The following PBX1 variants were observed in gnomAD, a reference collection of about 807,000 sequenced individuals.
PBX1 encodes the protein pre-B-cell leukemia transcription factor 1.
A neutral mutation model predicts 53.4 loss-of-function variants in PBX1; 6 were observed. That is an observed-to-expected ratio of 0.11 (90% CI 0.06 to 0.22). PBX1 has a LOEUF of 0.22. Among genes scored for constraint, PBX1 ranks in the 10% least tolerant of loss-of-function variants. The pLI, the probability that PBX1 is intolerant of heterozygous loss-of-function variation, is 1.00. For synonymous variants in PBX1, 204 were observed against 212.3 expected (o/e 0.96, Z 0.34); for missense variants, 251 against 551.4 (o/e 0.46, Z 5.46).
chr1:164,855,040 C>G (rs1368722480), downstream of PBX1, among the ~76,000 whole-genome samples: 1 of 151,150 alleles, frequency 6.6e-6, no homozygotes, highest in African/African-American at 2.4e-5. Context: ...CTCGACCTCC[C>G]TGAGCTCAAA....
In PBX1 at chr1:164,563,412, C is replaced by T. The variant is rs532970423; in HGVS notation, c.265+101C>T. 57 of 702,860 alleles carry T rather than the reference C, an allele frequency of 8.1e-5. No homozygotes were observed. In the South Asian group the frequency reaches 1.0e-3, roughly 12 times the overall value. The allele number at this position is 702,860 out of a possible 1,614,324, so 43.5% of individuals were successfully genotyped here. A position where few individuals can be genotyped will look rare whatever the true frequency, so the allele number is the denominator to read the frequency against. Reference sequence around the variant, plus strand: ...ATTTAAATATTAAAATTTCAGAATACAAGTACTATGAAGGTTGACCTCATA... The same window carrying T: ...ATTTAAATATTAAAATTTCAGAATATAAGTACTATGAAGGTTGACCTCATA... On this transcript the variant is annotated intron_variant, in intron 2 of 8. Coordinates refer to ENST00000420696, the MANE Select transcript of PBX1 (RefSeq NM_002585.4).
chr1:164,736,148 AG>A (rs1351012586), intron 2 of PBX1, among the ~76,000 whole-genome samples: 1 of 152,198 alleles, frequency 6.6e-6, no homozygotes, highest in East Asian at 1.9e-4. Flanking sequence ...TTCCCACTGC[AG>A]CCCCTCTCCC....
At chr1:164,876,007 C>CATATATATATATATAT (rs1318941950) in intron 2 of PBX1, among the ~76,000 whole-genome samples, 1 of 113,686 alleles carries the variant, frequency 8.8e-6, no homozygotes, top group Non-Finnish European at 1.9e-5. Flanking sequence ...TATATATATA[C>CATATATATATATATAT]ACACATACAC....
At chr1:164,597,169 T>G (rs1655824961) in intron 2 of PBX1, among the ~76,000 whole-genome samples, 2 of 152,258 alleles carry the variant, frequency 1.3e-5, no homozygotes, top group Admixed American at 6.5e-5. Flanking sequence ...GGAATCGTTA[T>G]TCATTAAAAA....
chr1:164,732,768 G>A (rs1482998683), intron 2 of PBX1, among the ~76,000 whole-genome samples: 1 of 151,944 alleles, frequency 6.6e-6, no homozygotes, highest in African/African-American at 2.4e-5. Flanking sequence ...CTCTGTAGCC[G>A]ACAGACATTC....
chr1:164,649,397 G>A (rs1324017156), intron 2 of PBX1, among the ~76,000 whole-genome samples: 1 of 152,162 alleles, frequency 6.6e-6, no homozygotes, highest in Non-Finnish European at 1.5e-5. Context: ...ATTTTCGAAT[G>A]TAGAGAATAC....
chr1:164,735,456 A>T (rs919421387), intron 2 of PBX1, among the ~76,000 whole-genome samples: 4 of 152,240 alleles, frequency 2.6e-5, no homozygotes, highest in Admixed American at 1.3e-4. Flanking sequence ...AACAAAGCTG[A>T]AAAGAGAGCA....
intron 2 of PBX1, among the ~76,000 whole-genome samples, chr1:164,655,159 G>A (rs1471174895): frequency 6.7e-6 from 1 of 148,708 alleles, no homozygotes; most frequent in Non-Finnish European, 1.5e-5. Flanking sequence ...TGTTGCCCAG[G>A]CTGGAGTGCA....
intron 2 of PBX1, among the ~76,000 whole-genome samples, chr1:164,661,567 C>T (rs538888083): frequency 6.6e-6 from 1 of 151,836 alleles, no homozygotes; most frequent in Non-Finnish European, 1.5e-5. Context: ...GCTGGGATTA[C>T]AGGCCTCCAC....
chr1:164,876,353 C>T (rs1672511025), intron 2 of PBX1, among the ~76,000 whole-genome samples: 1 of 151,224 alleles, frequency 6.6e-6, no homozygotes, highest in African/African-American at 2.4e-5. Context: ...GGAGGCCGGG[C>T]CTCCTGGCTC....
At chr1:164,627,343 T>G (rs767958780) in intron 2 of PBX1, among the ~76,000 whole-genome samples, 7 of 152,146 alleles carry the variant, frequency 4.6e-5, no homozygotes, top group Non-Finnish European at 8.8e-5. Flanking sequence ...GAACTTCCAT[T>G]ATTATAAATG....
At chr1:164,703,542 C>A (rs1557953692) in intron 2 of PBX1, among the ~76,000 whole-genome samples, 1 of 152,130 alleles carries the variant, frequency 6.6e-6, no homozygotes, top group Non-Finnish European at 1.5e-5. Context: ...AAAATGGCTC[C>A]CTGCTCATTA....
chr1:164,570,075 G>A (rs562754395), intron 2 of PBX1, among the ~76,000 whole-genome samples: 55 of 152,248 alleles, frequency 3.6e-4, no homozygotes, highest in Non-Finnish European at 6.3e-4. Flanking sequence ...GCAACTGGAG[G>A]CATTGTGTAA....
Position 164,846,916 on chromosome 1 carries a change from G to A in PBX1, c.*240G>A. The A allele has an allele frequency of 1.5e-6, 2 of 1,365,728 alleles. No homozygotes were observed. The highest frequency in any genetic ancestry group is 1.9e-6 in the Non-Finnish European group (2 of 1,057,718). 84.6% of individuals were successfully genotyped at this position (1,365,728 alleles called of 1,614,324 possible). On this transcript the variant is annotated 3_prime_UTR_variant, in exon 9 of 9. Coordinates refer to ENST00000420696, the MANE Select transcript of PBX1 (RefSeq NM_002585.4). ...CACCCTTCCCTGCCTCCAGCTGTCA[G>A]CCTGGTTTTCGTCATCTTCCCTGCC...
intron 2 of PBX1, among the ~76,000 whole-genome samples, chr1:164,713,324 T>A (rs1663907004): frequency 6.6e-6 from 1 of 152,140 alleles, no homozygotes; most frequent in African/African-American, 2.4e-5. Context: ...ACAGCTATGA[T>A]AAAAGGTATG....
chr1:164,595,637 T>C (rs1459736484), intron 2 of PBX1, among the ~76,000 whole-genome samples: 2 of 152,178 alleles, frequency 1.3e-5, no homozygotes, highest in Non-Finnish European at 2.9e-5. Context: ...GATCGTTGTA[T>C]ATTCACTGGC....
intron 2 of PBX1, among the ~76,000 whole-genome samples, chr1:164,709,939 T>C (rs943307228): frequency 6.6e-6 from 1 of 152,212 alleles, no homozygotes; most frequent in Non-Finnish European, 1.5e-5. Context: ...GTGGCCAAGC[T>C]GACACAGGCC....
chr1:164,566,887 A>G (rs893788862), intron 2 of PBX1, among the ~76,000 whole-genome samples: 6 of 152,324 alleles, frequency 3.9e-5, no homozygotes, highest in African/African-American at 1.4e-4. Flanking sequence ...CATTGTCTGC[A>G]TCAAAGTTAA....
intron 2 of PBX1, among the ~76,000 whole-genome samples, chr1:164,763,908 A>C (rs1666929273): frequency 6.6e-6 from 1 of 152,210 alleles, no homozygotes; most frequent in African/African-American, 2.4e-5. Context: ...CCAGGCTACT[A>C]AATTCACATT....
Sources: allele counts gnomAD v4.1 joint callset (sites outside exome capture counted in the v4.1 genomes callset), GRCh38; gene constraint gnomAD v4.1.1; transcripts MANE v1.5; gene names NCBI Gene and HGNC (gene_info 2026-07-23, HGNC 2026-07-21).